Variants in LRMDA observed in about 807,000 individuals in gnomAD.
LRMDA encodes leucine rich melanocyte differentiation associated.
A neutral mutation model predicts 29.8 loss-of-function variants in LRMDA; 18 were observed. The observed-to-expected ratio is 0.60, with a 90% CI of 0.42 to 0.90. LRMDA has a LOEUF of 0.90. Among genes scored for constraint, LRMDA ranks in the 40% least tolerant of loss-of-function variants. The pLI is 0.00. For synonymous variants in LRMDA, 125 were observed against 109.4 expected (o/e 1.14, Z -0.89); for missense variants, 273 against 273.9 (o/e 1.00, Z 0.02).
chr10:75,562,763 G>A (rs1158662918), intron 2 of LRMDA, among the ~76,000 whole-genome samples: 1 of 152,100 alleles, frequency 6.6e-6, no homozygotes, highest in Admixed American at 6.5e-5. Flanking sequence ...TGTCTGTAAA[G>A]TATTTTATTT....
chr10:75,944,190 G>T (rs1293647864), intron 2 of LRMDA, among the ~76,000 whole-genome samples: 1 of 152,062 alleles, frequency 6.6e-6, no homozygotes, highest in African/African-American at 2.4e-5. Flanking sequence ...ATAAAATTCT[G>T]ACTTGATTTT....
chr10:76,137,681 C>T (rs796314811), intron 5 of LRMDA, among the ~76,000 whole-genome samples: 3 of 149,948 alleles, frequency 2.0e-5, no homozygotes, highest in African/African-American at 7.4e-5. Context: ...CAATGCTCAA[C>T]AAATGACTGA....
At chr10:76,377,505 T>C (rs568383971) in intron 6 of LRMDA, among the ~76,000 whole-genome samples, 37 of 152,318 alleles carry the variant, frequency 2.4e-4, no homozygotes, top group African/African-American at 8.7e-4. Context: ...AGTTTTCTTC[T>C]AGGGTTTTAA....
intron 2 of LRMDA, among the ~76,000 whole-genome samples, chr10:75,541,911 T>A (rs577139967): frequency 1.3e-5 from 2 of 152,194 alleles, no homozygotes; most frequent in Non-Finnish European, 2.9e-5. Context: ...CCAAAGGGGA[T>A]GTTGGCTAAT....
At chr10:76,283,414 C>T (rs1403198676) in intron 5 of LRMDA, among the ~76,000 whole-genome samples, 1 of 152,072 alleles carries the variant, frequency 6.6e-6, no homozygotes, top group African/African-American at 2.4e-5. Flanking sequence ...CATGAAGGAG[C>T]ATGAATGAGA....
chr10:76,356,610 G>A (rs1841242832), intron 6 of LRMDA, among the ~76,000 whole-genome samples: 1 of 152,122 alleles, frequency 6.6e-6, no homozygotes, highest in African/African-American at 2.4e-5. Context: ...CTCTTCATTG[G>A]AAAGCTTCGT....
chr10:75,594,299 C>G (rs1840759811), intron 2 of LRMDA, among the ~76,000 whole-genome samples: 1 of 152,180 alleles, frequency 6.6e-6, no homozygotes, highest in Non-Finnish European at 1.5e-5. Flanking sequence ...TTCTCCTAGG[C>G]CACCAGGGAA....
At chr10:76,080,281 A>G (rs1849028239) in intron 5 of LRMDA, among the ~76,000 whole-genome samples, 1 of 152,324 alleles carries the variant, frequency 6.6e-6, no homozygotes, top group South Asian at 2.1e-4. Context: ...TATATTTTCA[A>G]ATATTTGAAT....
intron 5 of LRMDA, among the ~76,000 whole-genome samples, chr10:76,059,779 C>T (rs1898064): frequency 0.42 from 63,320 of 152,094 alleles, 13,958 homozygotes; most frequent in Non-Finnish European, 0.45. Flanking sequence ...GCTCTGCTGG[C>T]AGCAGACCTC....
chr10:76,192,509 G>A (rs1162638010), intron 5 of LRMDA, among the ~76,000 whole-genome samples: 5 of 152,178 alleles, frequency 3.3e-5, no homozygotes, highest in African/African-American at 1.2e-4. Flanking sequence ...CTATTTCAAT[G>A]CCAATCATCT....
At chr10:75,822,356 G>A (rs1844176477) in intron 2 of LRMDA, among the ~76,000 whole-genome samples, 1 of 152,078 alleles carries the variant, frequency 6.6e-6, no homozygotes, top group African/African-American at 2.4e-5. Context: ...TCCTGGAATG[G>A]AAGAATCAAT....
chr10:75,445,595 A>G (rs1844383711), intron 2 of LRMDA, among the ~76,000 whole-genome samples: 1 of 152,208 alleles, frequency 6.6e-6, no homozygotes, highest in African/African-American at 2.4e-5. Flanking sequence ...AATCTGCTCA[A>G]TGCAAAGAGG....
At chr10:76,385,876 A>G (rs1236367324) in intron 6 of LRMDA, among the ~76,000 whole-genome samples, 1 of 152,164 alleles carries the variant, frequency 6.6e-6, no homozygotes, top group Non-Finnish European at 1.5e-5. Context: ...ATACTTCTTA[A>G]TATCTCCAGA....
chr10:75,692,532 TGTATACATATATACAC>T (rs1842181752), intron 2 of LRMDA, among the ~76,000 whole-genome samples: 1 of 150,146 alleles, frequency 6.7e-6, no homozygotes, highest in South Asian at 2.1e-4. Context: ...CATATGCGTA[TGTATACATATATACAC>T]ATATACATAT....
At chr10:76,519,590 G>A (rs1192058255) in intron 6 of LRMDA, among the ~76,000 whole-genome samples, 1 of 152,156 alleles carries the variant, frequency 6.6e-6, no homozygotes, top group Non-Finnish European at 1.5e-5. Flanking sequence ...TTTTTTAAAT[G>A]TTTGATATAC....
intron 5 of LRMDA, among the ~76,000 whole-genome samples, chr10:76,086,465 C>G (rs1316692279): frequency 1.3e-5 from 2 of 152,172 alleles, no homozygotes; most frequent in Non-Finnish European, 2.9e-5. Context: ...CTTCATCAAA[C>G]TCATCATTCA....
chr10:75,603,127 C>T (rs1840908683), intron 2 of LRMDA, among the ~76,000 whole-genome samples: 1 of 151,590 alleles, frequency 6.6e-6, no homozygotes, highest in African/African-American at 2.4e-5. Flanking sequence ...ATAGCAATGG[C>T]TTATATATTT....
chr10:75,728,080 A>G (rs899640068), intron 2 of LRMDA, among the ~76,000 whole-genome samples: 13 of 152,152 alleles, frequency 8.5e-5, no homozygotes, highest in African/African-American at 2.7e-4. Flanking sequence ...TATGATCCCA[A>G]TTTCACAGAT....
intron 2 of LRMDA, among the ~76,000 whole-genome samples, chr10:75,906,616 A>G (rs1396488843): frequency 6.6e-6 from 1 of 152,226 alleles, no homozygotes; most frequent in Non-Finnish European, 1.5e-5. Flanking sequence ...GTTTATATGT[A>G]TGTTTTAATA....
Sources: allele counts gnomAD v4.1 joint callset (sites outside exome capture counted in the v4.1 genomes callset), GRCh38; gene constraint gnomAD v4.1.1; transcripts MANE v1.5; gene names NCBI Gene and HGNC (gene_info 2026-07-23, HGNC 2026-07-21).